ASH1L: variants seen among roughly 807,000 people sequenced by gnomAD.
The protein encoded by ASH1L is histone-lysine N-methyltransferase ASH1L.
ASH1L carries 23 observed loss-of-function variants against 269.0 expected under a neutral mutation model. The ratio of observed to expected loss-of-function variants is 0.09; its 90% CI spans 0.06 to 0.12. ASH1L has a LOEUF of 0.12. ASH1L is among the 10% of genes least tolerant of loss of function. ASH1L has a pLI of 1.00. For synonymous variants in ASH1L, 1,187 were observed against 1,253.5 expected (o/e 0.95, Z 1.12); for missense variants, 2,912 against 3,567.8 (o/e 0.82, Z 4.68).
intron 1 of ASH1L, among the ~76,000 whole-genome samples, chr1:155,557,979 T>G (rs1260557397): frequency 6.6e-6 from 1 of 152,156 alleles, no homozygotes; most frequent in African/African-American, 2.4e-5. Flanking sequence ...CAAATAGCAA[T>G]ACAAAGTTAT....
intron 12 of ASH1L, among the ~76,000 whole-genome samples, chr1:155,362,966 G>T (rs1655093730): frequency 6.6e-6 from 1 of 152,078 alleles, no homozygotes; most frequent in Admixed American, 6.6e-5. Context: ...AATTCAGAAA[G>T]CATTTAAAAA....
At chr1:155,537,713 G>A (rs1431239170) in intron 1 of ASH1L, among the ~76,000 whole-genome samples, 1 of 151,548 alleles carries the variant, frequency 6.6e-6, no homozygotes, top group East Asian at 1.9e-4. Flanking sequence ...CTTTGGGTTA[G>A]GCAAAATTTC....
intron 2 of ASH1L, among the ~76,000 whole-genome samples, chr1:155,494,596 G>A (rs1282522147): frequency 6.6e-6 from 1 of 152,120 alleles, no homozygotes; most frequent in Non-Finnish European, 1.5e-5. Flanking sequence ...AAATTAATTA[G>A]GCAATTAGGT....
rs753734834 is a variant in ASH1L, at chr1:155,438,830, G to A, written c.5325C>T (p.Cys1775=). ...LLVPAVTSDS[C]NNSISLLSEK... is the part of the protein sequence containing the mutation. The stretch of plus-strand genomic sequence containing the variant: ...CAGATAGGAGTGAGATGCTATTATT[G>A]CAAGAGTCACTTGTGACTGCAGGCA... The change falls in exon 5 of 28, where the codon TGC becomes TGT. Residue 1775 remains cysteine, a synonymous_variant. Transcript: ENST00000392403. The A allele has an allele frequency of 6.2e-7, 1 of 1,614,164 alleles. No individual in the cohort carries two copies. The highest frequency in any genetic ancestry group is 8.5e-7 in the Non-Finnish European group (1 of 1,180,028).
intron 21 of ASH1L, among the ~76,000 whole-genome samples, chr1:155,345,023 C>G (rs1050229382): frequency 3.9e-5 from 6 of 151,938 alleles, no homozygotes; most frequent in Non-Finnish European, 7.4e-5. Context: ...GTGGTGCGAT[C>G]TCGACCCACT....
intron 1 of ASH1L, among the ~76,000 whole-genome samples, chr1:155,532,148 C>G (rs1436325446): frequency 6.6e-6 from 1 of 152,160 alleles, no homozygotes; most frequent in Non-Finnish European, 1.5e-5. Context: ...ATTCATCTCA[C>G]ATGCAATTTT....
intron 7 of ASH1L, among the ~76,000 whole-genome samples, chr1:155,389,454 C>G (rs1015386043): frequency 2.6e-5 from 4 of 152,014 alleles, no homozygotes; most frequent in African/African-American, 9.7e-5. Flanking sequence ...GGGTGGATCA[C>G]TTAAGGTTAG....
chr1:155,354,633 G>T lies in ASH1L; in HGVS notation c.7056-3C>A, dbSNP rs1413860007. On this transcript the variant is annotated splice_region_variant and splice_polypyrimidine_tract_variant and intron_variant, in intron 15 of 27. Coordinates refer to ENST00000392403, the MANE Select transcript of ASH1L (RefSeq NM_018489.3). ...CATGATGCTTTAACACAAAGTTCCT[G>T]CAAGGAAGGAAAAAAAATCTTCCTT... The T allele has an allele frequency of 1.2e-6, 2 of 1,603,730 alleles. No homozygotes were observed. The highest frequency in any genetic ancestry group is 2.2e-5 in the East Asian group (1 of 44,802).
intron 1 of ASH1L, among the ~76,000 whole-genome samples, chr1:155,544,735 T>C (rs1235920420): frequency 1.3e-5 from 2 of 151,704 alleles, no homozygotes; most frequent in Admixed American, 6.6e-5. Flanking sequence ...AATATAAACA[T>C]GAAAAAGGAT....
chr1:155,534,977 G>T (rs1361751471), intron 1 of ASH1L, among the ~76,000 whole-genome samples: 2 of 152,104 alleles, frequency 1.3e-5, no homozygotes, highest in African/African-American at 4.8e-5. Context: ...ATCACCTGAG[G>T]TCAGGAGCAA....
At chr1:155,490,614 T>TCACACACACA (rs144278501) in intron 2 of ASH1L, among the ~76,000 whole-genome samples, 3,577 of 142,340 alleles carry the variant, frequency 0.025, 50 homozygotes, top group Middle Eastern at 0.028. Context: ...CCAGACTACG[T>TCACACACACA]CACACACACA....
chr1:155,365,462 A>C (rs1655334532), intron 12 of ASH1L, among the ~76,000 whole-genome samples: 1 of 147,600 alleles, frequency 6.8e-6, no homozygotes, highest in Non-Finnish European at 1.5e-5. Context: ...ACCTCAGGTG[A>C]TCAACCTGCC....
intron 12 of ASH1L, among the ~76,000 whole-genome samples, chr1:155,366,989 G>GTTTTTT (rs896488958): frequency 2.1e-4 from 26 of 124,174 alleles, no homozygotes; most frequent in Non-Finnish European, 3.2e-4. Flanking sequence ...AATGGGTTTG[G>GTTTTTT]TTTTTTTTTT....
intron 5 of ASH1L, among the ~76,000 whole-genome samples, chr1:155,419,193 G>T (rs1400872228): frequency 6.6e-6 from 1 of 152,006 alleles, no homozygotes; most frequent in Non-Finnish European, 1.5e-5. Context: ...TTGAGCCCAG[G>T]AGTTCAAGAC....
intron 12 of ASH1L, among the ~76,000 whole-genome samples, chr1:155,364,667 T>A (rs189248962): frequency 6.6e-6 from 1 of 152,172 alleles, no homozygotes; most frequent in East Asian, 1.9e-4. Context: ...AGGCCCGGCA[T>A]GGTGGCTCAC....
chr1:155,357,288 A>G, intron 15 of ASH1L, 28 bp downstream of exon 15: 1 of 1,554,652 alleles, frequency 6.4e-7, no homozygotes, highest in Non-Finnish European at 8.9e-7. Context: ...ACTTACAAAG[A>G]ACATGGATAA....
intron 4 of ASH1L, 79 bp from the exon 5 acceptor site, chr1:155,439,147 G>A: frequency 7.3e-7 from 1 of 1,371,936 alleles, no homozygotes; most frequent in Middle Eastern, 1.9e-4. Flanking sequence ...CAGATAAAAG[G>A]GAGTACTACT....
At chr1:155,458,144 C>G (rs1664005131) in intron 4 of ASH1L, among the ~76,000 whole-genome samples, 1 of 152,144 alleles carries the variant, frequency 6.6e-6, no homozygotes, top group South Asian at 2.1e-4. Context: ...ACAAAAGTCT[C>G]TCCATGGTAG....
chr1:155,478,886 A>G lies in ASH1L; in HGVS notation c.3984T>C (p.Tyr1328=). 1 of 1,614,088 alleles carries G rather than the reference A, an allele frequency of 6.2e-7. No homozygotes were observed. Among genetic ancestry groups the G allele is most frequent in the Non-Finnish European group, 8.5e-7 (1 of 1,180,012 alleles). The change falls in exon 3 of 28, where the codon TAT becomes TAC. Residue 1328 remains tyrosine, a synonymous_variant. Coordinates refer to ENST00000392403, the MANE Select transcript of ASH1L (RefSeq NM_018489.3). The surrounding 1 kb of genome is among the most constrained non-coding windows in gnomAD (Gnocchi z 4.6). ...TIFRINFNSF[Y]THPSFPLDPL... is the part of the protein sequence containing the mutation. The stretch of plus-strand genomic sequence containing the variant: ...GGTCTAAGGGGAAAGAAGGATGTGT[A>G]TAGAAACTATTAAAGTTGATTCGAA...
Sources: gnomAD v4.1 joint callset for allele counts (sites outside exome capture counted in the v4.1 genomes callset) on GRCh38, gnomAD v4.1.1 for gene constraint, Gnocchi (gnomAD v3.1) non-coding constraint, MANE v1.5 for transcripts, NCBI Gene and HGNC (gene_info 2026-07-23, HGNC 2026-07-21) for gene names.